The following TEX11 variants were observed in gnomAD, a reference collection of about 807,000 sequenced individuals.
TEX11 encodes testis-expressed protein 11.
A neutral mutation model predicts 84.4 loss-of-function variants in TEX11; 7 were observed. The observed-to-expected ratio is 0.08, with a 90% CI of 0.05 to 0.16. TEX11 has a LOEUF of 0.16. TEX11 is among the 10% of genes least tolerant of loss of function. The pLI is 1.00. For missense variants in TEX11, 551 were observed against 660.5 expected (o/e 0.83, Z 1.82); for synonymous variants, 264 against 222.8 (o/e 1.18, Z -1.64).
chrX:70,641,963 T>A (rs5980989), intron 17 of TEX11, among the ~76,000 whole-genome samples: 6 of 109,883 alleles, frequency 5.5e-5, no homozygotes, highest in South Asian at 3.9e-4. Context: ...GCCTTCAAAA[T>A]ATTAATGAAT....
At position 70,682,734 on chromosome X, in the gene TEX11, T is replaced by C. The variant is rs749226768; in HGVS notation, c.1096A>G (p.Met366Val). Reference protein sequence around the residue: ...IGKVLILHTDMLLQRKEELLA... With the variant: ...IGKVLILHTDVLLQRKEELLA... Reference sequence around the variant, plus strand: ...AGTTCTTCCTTCCTTTGTAAAAGCATGTCAGTATGGAGTATCAGAACTTTT... The same window carrying C: ...AGTTCTTCCTTCCTTTGTAAAAGCACGTCAGTATGGAGTATCAGAACTTTT... The change falls in exon 14 of 30, where the codon ATG (methionine) becomes GTG (valine). Residue 366 changes from methionine to valine, a missense_variant. Physicochemically the swap from Met to Val is conservative, Grantham distance 21. Coordinates refer to ENST00000374333, the MANE Select transcript of TEX11 (RefSeq NM_031276.3). 16 of 1,207,745 alleles carry C rather than the reference T, an allele frequency of 1.3e-5. No individual in the cohort carries two copies. The highest frequency in any genetic ancestry group is 3.0e-5 in the East Asian group (1 of 33,730).
intron 16 of TEX11, among the ~76,000 whole-genome samples, chrX:70,667,669 T>C (rs1466732477): frequency 8.9e-6 from 1 of 112,053 alleles, no homozygotes; most frequent in Admixed American, 9.4e-5. Context: ...GGCTCACGCC[T>C]GTAATCCCAG....
At chrX:70,704,842 T>A (rs951265140) in intron 13 of TEX11, among the ~76,000 whole-genome samples, 1 of 111,894 alleles carries the variant, frequency 8.9e-6, no homozygotes, top group Non-Finnish European at 1.9e-5. Flanking sequence ...AAAAAAAAGA[T>A]AGGTCCTTTA....
chrX:70,610,779 A>G (rs2089251556), intron 20 of TEX11, among the ~76,000 whole-genome samples: 1 of 111,813 alleles, frequency 8.9e-6, no homozygotes, highest in African/African-American at 3.2e-5. Context: ...ATAAACTCTC[A>G]GCAAAGGATT....
rs2089423525 is a variant in TEX11, at chrX:70,623,975, C to G, written c.1726G>C (p.Ala576Pro). The G allele has an allele frequency of 3.3e-6, 4 of 1,202,484 alleles. No homozygotes were observed. The highest frequency in any genetic ancestry group is 4.5e-6 in the Non-Finnish European group (4 of 891,488). Reference sequence around the variant, plus strand: ...TTATCTTCAGATTCCGGCATTTCAGCAATTTTTGGAAGAAGAAAACGAAGC... The same window carrying G: ...TTATCTTCAGATTCCGGCATTTCAGGAATTTTTGGAAGAAGAAAACGAAGC... Reference protein sequence around the residue: ...CLLRFLLPKIAEMPESEDKKK... With the variant: ...CLLRFLLPKIPEMPESEDKKK... Residue 576 changes from alanine to proline, a missense_variant, in exon 20 of 30, where the codon GCT becomes CCT. Physicochemically the swap from Ala to Pro is conservative, Grantham distance 27. Transcript: ENST00000374333.
intron 25 of TEX11, among the ~76,000 whole-genome samples, chrX:70,575,434 A>G (rs2088660462): frequency 8.9e-6 from 1 of 111,845 alleles, no homozygotes; most frequent in Non-Finnish European, 1.9e-5. Flanking sequence ...TCCCTCATGA[A>G]CAGGGTTACA....
chrX:70,811,861 G>T (rs971686060), intron 8 of TEX11, among the ~76,000 whole-genome samples: 4 of 111,739 alleles, frequency 3.6e-5, no homozygotes, highest in South Asian at 7.5e-4. Flanking sequence ...TTGCCCACTT[G>T]TTGATGGGGT....
chrX:70,670,638 C>T (rs2090014242), intron 15 of TEX11, 124 bp from the exon 16 acceptor site: 1 of 762,468 alleles, frequency 1.3e-6, no homozygotes, highest in Admixed American at 4.3e-5. Context: ...ACACAATATC[C>T]TTTATATAGG....
chrX:70,552,005 T>G (rs1461049452), intron 28 of TEX11, 121 bp downstream of exon 28: 1 of 832,814 alleles, frequency 1.2e-6, no homozygotes, highest in African/African-American at 2.1e-5. Context: ...AACTACAAAA[T>G]TGTAATATGA....
chrX:70,547,109 A>G (rs1297606098), intron 28 of TEX11, among the ~76,000 whole-genome samples: 10 of 108,682 alleles, frequency 9.2e-5, no homozygotes, highest in African/African-American at 3.3e-4. Context: ...GTTATGCTCA[A>G]TGAAATAAGC....
chrX:70,597,841 T>C (rs1343617397), intron 24 of TEX11, among the ~76,000 whole-genome samples: 1 of 112,261 alleles, frequency 8.9e-6, no homozygotes, highest in East Asian at 2.8e-4. Context: ...GCAAATCATG[T>C]ATTTGATAAG....
At chrX:70,569,664 A>G (rs1159952626) in intron 25 of TEX11, among the ~76,000 whole-genome samples, 1 of 111,949 alleles carries the variant, frequency 8.9e-6, no homozygotes, top group Non-Finnish European at 1.9e-5. Flanking sequence ...AGTTTGCTAG[A>G]GGTCCACTCC....
intron 13 of TEX11, among the ~76,000 whole-genome samples, chrX:70,696,879 A>C (rs2090285464): frequency 8.9e-6 from 1 of 112,496 alleles, no homozygotes; most frequent in South Asian, 3.7e-4. Context: ...ACACAAGGCC[A>C]AAGGCAAGAT....
chrX:70,649,561 C>T (rs1343414570), intron 17 of TEX11, among the ~76,000 whole-genome samples: 2 of 111,706 alleles, frequency 1.8e-5, no homozygotes, highest in Non-Finnish European at 3.8e-5. Flanking sequence ...CATGTATTTA[C>T]CATATAAGTC....
chrX:70,746,783 G>T (rs1204663377), intron 9 of TEX11, among the ~76,000 whole-genome samples: 1 of 112,130 alleles, frequency 8.9e-6, no homozygotes. Context: ...CAACCAGAAG[G>T]TTACCAGAGA....
chrX:70,824,879 T>G (rs1294510579), intron 8 of TEX11, among the ~76,000 whole-genome samples: 2 of 111,472 alleles, frequency 1.8e-5, no homozygotes, highest in African/African-American at 6.5e-5. Flanking sequence ...ACTGCAAAAT[T>G]GAAACAACAT....
At chrX:70,552,099 A>G (rs374769792) in intron 28 of TEX11, 27 bp downstream of exon 28, 1 of 1,199,493 alleles carries the variant, frequency 8.3e-7, no homozygotes, top group Admixed American at 2.3e-5. Flanking sequence ...AAATTAACTG[A>G]AAGTTTAATA....
the TEX11 span, among the ~76,000 whole-genome samples, chrX:70,520,502 C>T: frequency 1.8e-5 from 2 of 111,999 alleles, no homozygotes; most frequent in Non-Finnish European, 3.8e-5. Context: ...CTGATTCTTC[C>T]TCTGGAAGCT....
chrX:70,625,970 A>T (rs1165165795), intron 18 of TEX11, among the ~76,000 whole-genome samples: 1 of 108,578 alleles, frequency 9.2e-6, no homozygotes. Context: ...CTGGTCTCGA[A>T]CTCCTGACCT....
Sources: allele counts gnomAD v4.1 joint callset (sites outside exome capture counted in the v4.1 genomes callset), GRCh38; gene constraint gnomAD v4.1.1; transcripts MANE v1.5; gene names NCBI Gene and HGNC (gene_info 2026-07-23, HGNC 2026-07-21).